Variants in FAT3 observed in about 807,000 individuals in gnomAD.
FAT3 encodes the protein protocadherin Fat 3.
In FAT3, 95 loss-of-function variants were observed where a neutral mutation model predicts 310.2. The ratio of observed to expected loss-of-function variants is 0.31; its 90% CI spans 0.26 to 0.36. The LOEUF is 0.36. FAT3 is among the 10% of genes least tolerant of loss of function. FAT3 has a pLI of 1.00. For synonymous variants in FAT3, 2,314 were observed against 2,192.9 expected, an observed-to-expected ratio of 1.06 and a Z score of -1.54; for missense variants, 5,408 against 5,715.6, an observed-to-expected ratio of 0.95 and a Z score of 1.74.
chr11:92,477,115 G>C (rs562575406), intron 2 of FAT3, among the ~76,000 whole-genome samples: 1 of 152,302 alleles, frequency 6.6e-6, no homozygotes, highest in South Asian at 2.1e-4. Flanking sequence ...AATCCAACGG[G>C]ACCATAAATG....
Position 92,801,180 on chromosome 11 carries a change from A to G in FAT3, c.8167A>G (p.Ile2723Val), listed in dbSNP as rs1365598582. 3.1e-6 allele frequency: 5 copies of G among 1,613,804 alleles called. No homozygotes were observed. The highest frequency in any genetic ancestry group is 4.2e-6 in the Non-Finnish European group (5 of 1,179,872). ...YSFTIAEDTA[I>V]GSTVDTLRIL... ...CTTTACCATTGCAGAAGATACAGCC[A>G]TTGGGAGTACAGTGGACACCCTGAG... Residue 2723 changes from isoleucine to valine, a missense_variant, in exon 10 of 28, where the codon ATT (isoleucine) becomes GTT (valine). This residue lies in a region of FAT3 where 4,588 missense variants were observed against 4,809.8 expected (regional missense o/e 0.95). Transcript: ENST00000525166.
At chr11:92,758,759 A>G (rs1232105699) in intron 4 of FAT3, among the ~76,000 whole-genome samples, 1 of 152,174 alleles carries the variant, frequency 6.6e-6, no homozygotes, top group Non-Finnish European at 1.5e-5. Context: ...GTAATAGGGC[A>G]GTGTGACAGA....
chr11:92,631,601 C>T (rs1311419805), intron 3 of FAT3, among the ~76,000 whole-genome samples: 1 of 152,090 alleles, frequency 6.6e-6, no homozygotes, highest in Non-Finnish European at 1.5e-5. Context: ...CTGCCATGAT[C>T]ACAAGTTTCC....
chr11:92,233,252 A>G (rs1274298665), intron 1 of FAT3, among the ~76,000 whole-genome samples: 4 of 152,186 alleles, frequency 2.6e-5, no homozygotes, highest in Admixed American at 2.6e-4. Flanking sequence ...GTGAACAGCT[A>G]CTTTATAAGA....
At chr11:92,340,273 G>A (rs963620014) in intron 1 of FAT3, among the ~76,000 whole-genome samples, 6 of 152,102 alleles carry the variant, frequency 3.9e-5, no homozygotes, top group Admixed American at 3.3e-4. Flanking sequence ...GTGGCTGGTT[G>A]GTTGTAGCAG....
intron 19 of FAT3, among the ~76,000 whole-genome samples, chr11:92,854,138 C>T (rs997264542): frequency 2.0e-5 from 3 of 152,186 alleles, no homozygotes; most frequent in African/African-American, 7.2e-5. Context: ...AAGGTGGCAG[C>T]GGGACTGATG....
At chr11:92,597,141 G>A (rs2135576125) in intron 3 of FAT3, among the ~76,000 whole-genome samples, 1 of 152,180 alleles carries the variant, frequency 6.6e-6, no homozygotes, top group Non-Finnish European at 1.5e-5. Context: ...GTCATATTCT[G>A]GTTGGAAACA....
At chr11:92,612,561 T>C (rs1266057670) in intron 3 of FAT3, among the ~76,000 whole-genome samples, 4 of 152,288 alleles carry the variant, frequency 2.6e-5, no homozygotes, top group Middle Eastern at 3.4e-3. Context: ...GGGAATTGAA[T>C]TGATAAAGAT....
chr11:92,335,089 C>T (rs1241642136), intron 1 of FAT3, among the ~76,000 whole-genome samples: 4 of 152,124 alleles, frequency 2.6e-5, no homozygotes, highest in South Asian at 2.1e-4. Context: ...GACATGAAAC[C>T]ATCTCTGTCC....
chr11:92,812,861 C>T (rs542715419), intron 13 of FAT3, among the ~76,000 whole-genome samples: 51 of 152,250 alleles, frequency 3.3e-4, no homozygotes, highest in African/African-American at 1.2e-3. Context: ...CAAATCATAT[C>T]TTGAATTGTA....
At chr11:92,552,893 T>C (rs1954870867) in intron 3 of FAT3, among the ~76,000 whole-genome samples, 1 of 149,982 alleles carries the variant, frequency 6.7e-6, no homozygotes, top group African/African-American at 2.5e-5. Context: ...GAAGTTGCAG[T>C]GAGCCGAGAT....
chr11:92,843,862 C>T, intron 18 of FAT3, 72 bp from the exon 19 acceptor site: 2 of 1,381,182 alleles, frequency 1.4e-6, no homozygotes, highest in East Asian at 4.6e-5. Flanking sequence ...CGTCTTCTAT[C>T]TGCGGGTTTT....
intron 1 of FAT3, among the ~76,000 whole-genome samples, chr11:92,336,891 A>T (rs79158445): frequency 0.026 from 4,005 of 152,262 alleles, 197 homozygotes; most frequent in African/African-American, 0.092. Context: ...TTGGTCTTCC[A>T]TTAAAACCCT....
chr11:92,694,267 T>C (rs758626721), intron 3 of FAT3, among the ~76,000 whole-genome samples: 1 of 152,216 alleles, frequency 6.6e-6, no homozygotes, highest in African/African-American at 2.4e-5. Flanking sequence ...TTAAGTTACA[T>C]TTTATTTCTT....
At chr11:92,817,346 C>G (rs1947850673) in intron 13 of FAT3, among the ~76,000 whole-genome samples, 1 of 152,152 alleles carries the variant, frequency 6.6e-6, no homozygotes, top group Non-Finnish European at 1.5e-5. Flanking sequence ...ATGAAAAATT[C>G]TGAGTCTTCC....
chr11:92,713,272 C>T (rs1944581293), intron 4 of FAT3, among the ~76,000 whole-genome samples: 1 of 152,204 alleles, frequency 6.6e-6, no homozygotes, highest in Admixed American at 6.5e-5. Flanking sequence ...GTTCTCACTG[C>T]TTTTCTGTTC....
At chr11:92,265,640 C>G (rs879519475) in intron 1 of FAT3, among the ~76,000 whole-genome samples, 1 of 152,170 alleles carries the variant, frequency 6.6e-6, no homozygotes, top group Non-Finnish European at 1.5e-5. Flanking sequence ...ATTTATTTCT[C>G]ACAGTCCTGG....
At chr11:92,700,684 G>A (rs999603843) in intron 4 of FAT3, among the ~76,000 whole-genome samples, 2 of 152,036 alleles carry the variant, frequency 1.3e-5, no homozygotes, top group Admixed American at 6.6e-5. Flanking sequence ...CAGCAACCTC[G>A]TTGCCCTATC....
chr11:92,771,441 G>A (rs1310020899), intron 6 of FAT3, among the ~76,000 whole-genome samples: 3 of 152,070 alleles, frequency 2.0e-5, no homozygotes, highest in Admixed American at 2.0e-4. Context: ...ATTGTGTGAG[G>A]GTTGATGGTA....
Sources: allele counts gnomAD v4.1 joint callset (sites outside exome capture counted in the v4.1 genomes callset), GRCh38; gene constraint gnomAD v4.1.1; regional missense constraint gnomAD v4.1.1; transcripts MANE v1.5; gene names NCBI Gene and HGNC (gene_info 2026-07-23, HGNC 2026-07-21).